Variants in CDK12 observed in about 807,000 individuals in gnomAD.
CDK12 encodes cyclin dependent kinase 12, also known as cyclin-dependent kinase 12.
CDK12 carries 17 observed loss-of-function variants against 133.8 expected under a neutral mutation model. That is an observed-to-expected ratio of 0.13 (90% confidence interval 0.09 to 0.19). The LOEUF is 0.19. Among genes scored for constraint, CDK12 ranks in the 10% least tolerant of loss-of-function variants. The pLI is 1.00. For missense variants in CDK12, 1,508 were observed against 1,818.7 expected (o/e 0.83, Z 3.11); for synonymous variants, 694 against 683.6 (o/e 1.02, Z -0.24).
chr17:39,551,587 G>A (rs761585410), intron 2 of CDK12, among the ~76,000 whole-genome samples: 2 of 152,108 alleles, frequency 1.3e-5, no homozygotes, highest in Non-Finnish European at 2.9e-5. Flanking sequence ...AGTCTTATAC[G>A]TCTTGTCCCA....
rs1400579011 is a variant in CDK12 at position 39,530,675 on chromosome 17, C to T, written c.3832C>T (p.Pro1278Ser). 5.0e-6 allele frequency: 8 copies of T among 1,613,054 alleles called. No homozygotes were observed. Among genetic ancestry groups the T allele is most frequent in the Non-Finnish European group, 6.8e-6 (8 of 1,179,350 alleles). Residue 1278 changes from proline to serine, a missense_variant, in exon 14 of 14, where the codon CCA becomes TCA. By Grantham distance (74) the Pro-to-Ser change is moderately conservative. Around this residue, in one of 9 missense-constraint regions of CDK12, gnomAD observed 399 missense variants for 469.6 expected, o/e 0.85. Coordinates refer to ENST00000447079, the MANE Select transcript of CDK12 (RefSeq NM_016507.4). ...CCCCGGACCTCCACCGCCGCCACCT[C>T]CACCCCCTCTGGTTGAAGGCGATCT... Reference protein sequence around the residue: ...EPPGPPPPPPPPPLVEGDLSS... With the variant: ...EPPGPPPPPPSPPLVEGDLSS...
At chr17:39,498,435 C>G (rs143035361) in intron 5 of CDK12, among the ~76,000 whole-genome samples, 1 of 152,048 alleles carries the variant, frequency 6.6e-6, no homozygotes, top group South Asian at 2.1e-4. Context: ...GTGGGCCAGG[C>G]TGGTTTCAAA....
intron 1 of CDK12, chr17:39,550,730 T>G (rs1253194107): frequency 6.6e-6 from 1 of 152,198 alleles, no homozygotes; most frequent in African/African-American, 2.4e-5. Flanking sequence ...ACCTTGCTTT[T>G]GCAAGAAAGG....
intron 6 of CDK12, among the ~76,000 whole-genome samples, chr17:39,506,043 G>A (rs952613426): frequency 6.6e-6 from 1 of 152,048 alleles, no homozygotes; most frequent in South Asian, 2.1e-4. Context: ...TAAGAGGGTA[G>A]GGGATGGATT....
intron 6 of CDK12, among the ~76,000 whole-genome samples, chr17:39,507,812 GT>G (rs2053230177): frequency 2.0e-5 from 3 of 152,100 alleles, no homozygotes; most frequent in Admixed American, 2.0e-4. Context: ...CTTAATATAA[GT>G]TAACTATTTC....
In CDK12 at chr17:39,524,749, C is replaced by T. The variant is rs1199416017; in HGVS notation, c.3171C>T (p.Val1057=). Residue 1057 remains valine, a synonymous_variant, in exon 12 of 14, where the codon GTC becomes GTT. Transcript: ENST00000447079. ...RRRQRQSGVV[V]EEPPPSKTSR... ...GTCAGCGACAAAGTGGTGTTGTAGT[C>T]GAAGAGCCACCTCCATCCAAAACTT... is the stretch of plus-strand genomic sequence containing the variant. The T allele has an allele frequency of 1.5e-5, 24 of 1,614,002 alleles. No homozygotes were observed. Among genetic ancestry groups the T allele is most frequent in the Non-Finnish European group, 1.9e-5 (22 of 1,180,044 alleles).
chr17:39,555,991 G>A (rs2056148227), intron 2 of CDK12, among the ~76,000 whole-genome samples: 1 of 145,346 alleles, frequency 6.9e-6, no homozygotes, highest in Non-Finnish European at 1.5e-5. Context: ...CCAAGATTGT[G>A]CCACCATACT....
Position 39,533,803 on chromosome 17 carries a change from AAAAC to A in CDK12, c.*2488_*2491del. On this transcript the variant is annotated 3_prime_UTR_variant, in exon 14 of 14. Transcript: ENST00000447079. ...TATTTCTAAAAGCAGAGGAGAAAAA[AAAAC>A]TTATTTAAATATCCTGGAATCTGTA... 4.3e-6 allele frequency: 1 copy of A among 232,624 alleles called. No individual in the cohort carries two copies. The highest frequency in any genetic ancestry group is 8.5e-6 in the Non-Finnish European group (1 of 117,590). The allele number at this position is 232,624 out of a possible 1,614,324, so 14.4% of individuals were successfully genotyped here.
At chr17:39,548,161 C>T (rs942936521), upstream of CDK12, among the ~76,000 whole-genome samples, 2 of 152,090 alleles carry the variant, frequency 1.3e-5, no homozygotes, top group Non-Finnish European at 2.9e-5. Context: ...TGAGGGCACC[C>T]TTTCTCCAAA....
chr17:39,537,171 C>T (rs975386146), downstream of CDK12, among the ~76,000 whole-genome samples: 1 of 152,136 alleles, frequency 6.6e-6, no homozygotes, highest in South Asian at 2.1e-4. Context: ...ATCTGATGGA[C>T]TCTCTAGGAG....
chr17:39,540,475 TG>T (rs1165716549), intron 1 of CDK12, among the ~76,000 whole-genome samples: 2 of 152,206 alleles, frequency 1.3e-5, no homozygotes, highest in Non-Finnish European at 2.9e-5. Context: ...AGAGGGAGTC[TG>T]TTGCTAGGGT....
chr17:39,500,619 TGA>T (rs1382558405), intron 5 of CDK12, among the ~76,000 whole-genome samples: 2 of 151,444 alleles, frequency 1.3e-5, no homozygotes, highest in Non-Finnish European at 2.9e-5. Flanking sequence ...GGTGGCAGAG[TGA>T]GAGTCTGTCT....
chr17:39,566,311 G>A (rs1031208514), downstream of CDK12, among the ~76,000 whole-genome samples: 2 of 152,112 alleles, frequency 1.3e-5, no homozygotes, highest in Non-Finnish European at 2.9e-5. Context: ...CCATTAGTTT[G>A]TTGGCAAGAG....
chr17:39,509,839 T>A, intron 7 of CDK12, 78 bp downstream of exon 7: 1 of 1,133,462 alleles, frequency 8.8e-7, no homozygotes. Flanking sequence ...TCTTATTCTG[T>A]TGCTCAGGCT....
chr17:39,482,557 AC>A (rs1397168631), intron 2 of CDK12, among the ~76,000 whole-genome samples: 4 of 141,886 alleles, frequency 2.8e-5, no homozygotes, highest in Non-Finnish European at 6.1e-5. Context: ...CTGTATTGTT[AC>A]GGTTTTAGTG....
intron 2 of CDK12, among the ~76,000 whole-genome samples, chr17:39,487,166 A>C (rs571574025): frequency 1.6e-4 from 25 of 152,164 alleles, no homozygotes; most frequent in Non-Finnish European, 2.9e-4. Flanking sequence ...TATCTACTCC[A>C]CTGACTATCC....
upstream of CDK12, among the ~76,000 whole-genome samples, chr17:39,548,130 C>T (rs2055801557): frequency 6.6e-6 from 1 of 152,082 alleles, no homozygotes; most frequent in Non-Finnish European, 1.5e-5. Flanking sequence ...AACTCATGCC[C>T]CTTAGCAGAC....
chr17:39,470,809 T>C lies in CDK12; in HGVS notation c.1047-70T>C, dbSNP rs191130503. On this transcript the variant is annotated intron_variant, in intron 1 of 13. Coordinates refer to ENST00000447079, the MANE Select transcript of CDK12 (RefSeq NM_016507.4). ...TAAGTTACAGTTCTTCATAGTTTGT[T>C]TTATTGATCTGTTTTCCTCCATATA... 195 of 1,257,138 alleles carry C rather than the reference T, an allele frequency of 1.6e-4. No individual in the cohort carries two copies. The Admixed American group carries it at 4.6e-3, about 30-fold the overall frequency. The allele number at this position is 1,257,138 out of a possible 1,614,324, so 77.9% of individuals were successfully genotyped here.
In CDK12 at chr17:39,520,420, G is replaced by A. The variant is rs188941685; in HGVS notation, c.3095+333G>A. 3.6e-4 allele frequency among the ~76,000 whole-genome samples: 54 copies of A among 152,108 alleles called. No individual in the cohort carries two copies. The East Asian group carries it at 9.3e-3, about 26-fold the overall frequency. On this transcript the variant is annotated intron_variant, in intron 11 of 13. Coordinates refer to ENST00000447079, the MANE Select transcript of CDK12 (RefSeq NM_016507.4). ...TATTTATTTATTTATTTATTTTTGAGATGGAGTCTCTGTCGCCCAGGCTGG... is the reference window on the plus strand; with the variant it reads ...TATTTATTTATTTATTTATTTTTGAAATGGAGTCTCTGTCGCCCAGGCTGG...
Sources: allele counts gnomAD v4.1 joint callset (sites outside exome capture counted in the v4.1 genomes callset), GRCh38; gene constraint gnomAD v4.1.1; regional missense constraint gnomAD v4.1.1; transcripts MANE v1.5; gene names NCBI Gene and HGNC (gene_info 2026-07-23, HGNC 2026-07-21).